Variants in EPHA6 observed in about 807,000 individuals in gnomAD.
EPHA6 encodes EPH receptor A6, also known as ephrin type-A receptor 6.
Under a neutral mutation model 112.0 loss-of-function variants are expected in EPHA6, and 50 were observed. The observed-to-expected ratio is 0.45, with a 90% CI of 0.36 to 0.56. The LOEUF (loss-of-function observed/expected upper bound fraction) is 0.56, where lower values mean the gene tolerates loss of function less well. EPHA6 is among the 20% of genes least tolerant of loss of function. The probability of loss-of-function intolerance (pLI) is 0.00; values close to 1 mark genes in which losing one functional copy is unlikely to be tolerated. For synonymous variants in EPHA6, 529 were observed against 490.7 expected, an observed-to-expected ratio of 1.08 and a Z score of -1.03; for missense variants, 1,280 against 1,417.4, an observed-to-expected ratio of 0.90 and a Z score of 1.56.
intron 14 of EPHA6, among the ~76,000 whole-genome samples, chr3:97,683,632 A>G (rs551415531): frequency 6.6e-6 from 1 of 152,226 alleles, no homozygotes; most frequent in Non-Finnish European, 1.5e-5. Flanking sequence ...TTCTTTTTGA[A>G]TTTTAAATTC....
intron 2 of EPHA6, among the ~76,000 whole-genome samples, chr3:96,890,182 C>G (rs1231817224): frequency 1.3e-5 from 2 of 151,338 alleles, no homozygotes; most frequent in Non-Finnish European, 2.9e-5. Flanking sequence ...ATATTAAAGG[C>G]TTTTATTCAT....
intron 5 of EPHA6, among the ~76,000 whole-genome samples, chr3:97,263,065 A>G (rs1193357580): frequency 6.6e-6 from 1 of 152,204 alleles, no homozygotes; most frequent in Non-Finnish European, 1.5e-5. Flanking sequence ...CTCTTTGGAC[A>G]TTTTGCTGTA....
At chr3:97,728,939 T>C (rs186775470) in intron 15 of EPHA6, among the ~76,000 whole-genome samples, 61 of 152,192 alleles carry the variant, frequency 4.0e-4, no homozygotes, top group African/African-American at 1.4e-3. Context: ...TAACAATCCG[T>C]AAAAAGGAGA....
chr3:97,573,182 AC>A (rs1444818666), intron 11 of EPHA6, among the ~76,000 whole-genome samples: 1 of 152,178 alleles, frequency 6.6e-6, no homozygotes, highest in East Asian at 1.9e-4. Flanking sequence ...TCTCCAAATG[AC>A]TTGATTTGAT....
intron 6 of EPHA6, among the ~76,000 whole-genome samples, chr3:97,443,443 A>G (rs2090211699): frequency 6.6e-6 from 1 of 151,458 alleles, no homozygotes. Flanking sequence ...TTGCACCTAT[A>G]TTTTCAAATC....
rs2046135523 is a variant in EPHA6, at chr3:97,065,060, T to A, written c.1114+77067T>A. ...CTGCCGATAGAAAATATATATCTGCTATGAAAATTAATACCTTAAGCTGTG... is the reference window on the plus strand; with the variant it reads ...CTGCCGATAGAAAATATATATCTGCAATGAAAATTAATACCTTAAGCTGTG... On this transcript the variant is annotated intron_variant, in intron 3 of 17. Transcript: ENST00000389672. Among the ~76,000 whole-genome samples the A allele has an allele frequency of 2.6e-5, 4 of 152,142 alleles. No homozygotes were observed. In the South Asian group the frequency reaches 8.3e-4, roughly 31 times the overall value.
In EPHA6 at chr3:97,578,717, C is replaced by T. The variant is rs374150292; in HGVS notation, c.2387-13895C>T. On this transcript the variant is annotated intron_variant, in intron 11 of 17. Coordinates refer to ENST00000389672, the MANE Select transcript of EPHA6 (RefSeq NM_001080448.3). Reference sequence around the variant, plus strand: ...GCCTTTTAAAAAGATTTTTTCAGACCGAAGATTTTCAAATAGTAGAGATTA... The same window carrying T: ...GCCTTTTAAAAAGATTTTTTCAGACTGAAGATTTTCAAATAGTAGAGATTA... 2.2e-4 allele frequency among the ~76,000 whole-genome samples: 34 copies of T among 152,040 alleles called. No individual in the cohort carries two copies. In the East Asian group the frequency reaches 2.5e-3, roughly 11 times the overall value.
At chr3:97,012,872 T>C (rs1047799259) in intron 3 of EPHA6, among the ~76,000 whole-genome samples, 1 of 152,138 alleles carries the variant, frequency 6.6e-6, no homozygotes, top group Non-Finnish European at 1.5e-5. Context: ...ACTTTTCATA[T>C]GTTTCTTGGC....
intron 2 of EPHA6, among the ~76,000 whole-genome samples, chr3:96,965,349 A>G (rs951292386): frequency 6.6e-6 from 1 of 152,100 alleles, no homozygotes; most frequent in African/African-American, 2.4e-5. Flanking sequence ...ACTTGAAAAA[A>G]ATTGGTTTTT....
At chr3:96,963,427 C>G (rs989985250) in intron 2 of EPHA6, among the ~76,000 whole-genome samples, 2 of 152,166 alleles carry the variant, frequency 1.3e-5, no homozygotes, top group Non-Finnish European at 2.9e-5. Context: ...CAAAACCCCT[C>G]TTCTTTTCAC....
At chr3:97,212,770 A>G (rs1429373102) in intron 3 of EPHA6, among the ~76,000 whole-genome samples, 5 of 152,216 alleles carry the variant, frequency 3.3e-5, no homozygotes, top group Admixed American at 3.3e-4. Context: ...CTTTATGCTT[A>G]TTAATGGCAA....
chr3:97,698,535 G>T (rs1446626794), intron 14 of EPHA6, among the ~76,000 whole-genome samples: 1 of 152,016 alleles, frequency 6.6e-6, no homozygotes, highest in East Asian at 1.9e-4. Flanking sequence ...GCTTAAAAAT[G>T]TGACACAATA....
intron 14 of EPHA6, among the ~76,000 whole-genome samples, chr3:97,644,468 A>T (rs1445082464): frequency 2.4e-4 from 37 of 151,722 alleles, no homozygotes; most frequent in Non-Finnish European, 4.6e-4. Context: ...TAGAGACACA[A>T]AAAACCCTTC....
intron 3 of EPHA6, among the ~76,000 whole-genome samples, chr3:97,199,167 T>A (rs1576667959): frequency 6.6e-6 from 1 of 152,196 alleles, no homozygotes; most frequent in Middle Eastern, 3.4e-3. Context: ...TTTCTGAAAA[T>A]AATAACAACA....
At chr3:97,641,748 G>A (rs1252300720) in intron 14 of EPHA6, among the ~76,000 whole-genome samples, 4 of 152,184 alleles carry the variant, frequency 2.6e-5, no homozygotes, top group Non-Finnish European at 5.9e-5. Flanking sequence ...AAAAAACAGC[G>A]CACCACGAGA....
In EPHA6 at chr3:97,755,790, G is replaced by A. The variant is rs1208518696; in HGVS notation, c.*7089G>A. Among the ~76,000 whole-genome samples, 1 of 152,016 alleles carries A rather than the reference G, an allele frequency of 6.6e-6. No homozygotes were observed. The highest frequency in any genetic ancestry group is 1.5e-5 in the Non-Finnish European group (1 of 67,906). On this transcript the variant is annotated 3_prime_UTR_variant, in exon 18 of 18. Coordinates refer to ENST00000389672, the MANE Select transcript of EPHA6 (RefSeq NM_001080448.3). ...CTCTACAAGTTTTTCCACATTTGTA[G>A]CTCATCCTTAGAACAGTCTTAATTT...
At chr3:97,643,517 A>C (rs1354540131) in intron 14 of EPHA6, among the ~76,000 whole-genome samples, 1 of 148,170 alleles carries the variant, frequency 6.7e-6, no homozygotes, top group Non-Finnish European at 1.5e-5. Flanking sequence ...AAGAGTCAAG[A>C]CCCATCAGTG....
chr3:97,630,503 T>C (rs2093893871), intron 13 of EPHA6, among the ~76,000 whole-genome samples: 1 of 152,050 alleles, frequency 6.6e-6, no homozygotes, highest in African/African-American at 2.4e-5. Context: ...TTTAGAAACA[T>C]ATAAAAACTG....
chr3:97,487,220 CTT>C (rs2091718891), intron 10 of EPHA6, among the ~76,000 whole-genome samples: 1 of 152,298 alleles, frequency 6.6e-6, no homozygotes, highest in South Asian at 2.1e-4. Context: ...ACCTCTGTCT[CTT>C]ATAGATGCAA....
Sources: gnomAD v4.1 joint callset for allele counts (sites outside exome capture counted in the v4.1 genomes callset) on GRCh38, gnomAD v4.1.1 for gene constraint, MANE v1.5 for transcripts, NCBI Gene and HGNC (gene_info 2026-07-23, HGNC 2026-07-21) for gene names.